Variants in RSRP1 observed in about 807,000 individuals in gnomAD.
RSRP1 encodes the protein arginine and serine rich protein 1, also known as arginine/serine-rich protein 1.
RSRP1 carries 37 observed loss-of-function variants against 33.0 expected under a neutral mutation model. The ratio of observed to expected loss-of-function variants is 1.12; its 90% confidence interval spans 0.86 to 1.48. The LOEUF is 1.48. Among genes scored for constraint, RSRP1 ranks in the 40% most tolerant of loss-of-function variants. The pLI, the probability that RSRP1 is intolerant of heterozygous loss-of-function variation, is 0.00. For missense variants in RSRP1, 402 were observed against 385.3 expected, an observed-to-expected ratio of 1.04 and a Z score of -0.36; for synonymous variants, 167 against 158.7, an observed-to-expected ratio of 1.05 and a Z score of -0.40.
rs1276337555 is a variant in RSRP1 at position 25,316,264 on chromosome 1, G to C, written c.-67+21714C>G. ...CAGGGGAGATGGGTCTGAAAGCCAA[G>C]CTCTACCCCACCCACCTTGCCCCAA... On this transcript the variant is annotated intron_variant, in intron 1 of 1. Transcript: ENST00000561867. Among the ~76,000 whole-genome samples, 2 of 129,576 alleles carry C rather than the reference G, an allele frequency of 1.5e-5. 1 individual carries two copies. The highest frequency in any genetic ancestry group is 3.6e-5 in the Non-Finnish European group (2 of 54,902). 85.0% of individuals were successfully genotyped at this position (129,576 alleles called of 152,430 possible).
chr1:25,260,386 G>A (rs569183301), intron 1 of RSRP1, among the ~76,000 whole-genome samples: 65 of 152,256 alleles, frequency 4.3e-4, no homozygotes, highest in African/African-American at 1.4e-3. Flanking sequence ...CTATTTGCAC[G>A]AAAGAGAACC....
chr1:25,259,656 C>A (rs1006915924), intron 1 of RSRP1, among the ~76,000 whole-genome samples: 2 of 152,046 alleles, frequency 1.3e-5, no homozygotes, highest in African/African-American at 4.8e-5. Flanking sequence ...GTGCACACTA[C>A]CACGCCCAGC....
chr1:25,259,153 G>A (rs1383342000), intron 1 of RSRP1, among the ~76,000 whole-genome samples: 1 of 151,762 alleles, frequency 6.6e-6, no homozygotes, highest in Non-Finnish European at 1.5e-5. Flanking sequence ...GAGTGCAATG[G>A]CACCATCTTG....
At chr1:25,256,799 C>A (rs1421380980) in intron 1 of RSRP1, among the ~76,000 whole-genome samples, 2 of 152,000 alleles carry the variant, frequency 1.3e-5, no homozygotes, top group Non-Finnish European at 2.9e-5. Context: ...CCCTCACGTG[C>A]TTGACTTCTT....
At position 25,276,923 on chromosome 1, in the gene RSRP1, C is replaced by T. The variant is rs1187281908; in HGVS notation, c.-66-29894G>A. Among the ~76,000 whole-genome samples, 5 of 130,360 alleles carry T rather than the reference C, an allele frequency of 3.8e-5. 1 individual carries two copies. Among genetic ancestry groups the T allele is most frequent in the Admixed American group, 1.5e-4 (2 of 13,372 alleles). 85.5% of individuals were successfully genotyped at this position (130,360 alleles called of 152,430 possible). On this transcript the variant is annotated intron_variant, in intron 1 of 1. Coordinates refer to the RSRP1 transcript ENST00000561867. ...CTACCAAAAATACAAAAAAATTAGC[C>T]GGGTGTGGTGGCGGGTGCCTGTAGT... is the stretch of plus-strand genomic sequence containing the variant.
chr1:25,295,046 G>A (rs982553738), intron 1 of RSRP1, among the ~76,000 whole-genome samples: 2 of 146,548 alleles, frequency 1.4e-5, no homozygotes, highest in African/African-American at 5.3e-5. Flanking sequence ...AGCCTGGAGT[G>A]CTGCCCAGAG....
At chr1:25,321,757 T>C (rs1169308436) in intron 1 of RSRP1, 1 of 455,462 alleles carries the variant, frequency 2.2e-6, no homozygotes, top group East Asian at 3.0e-5. Context: ...TCCATTTATT[T>C]GTCTTTCAAT....
intron 1 of RSRP1, among the ~76,000 whole-genome samples, chr1:25,269,940 T>A (rs1326750566): frequency 1.5e-5 from 2 of 131,546 alleles, no homozygotes; most frequent in African/African-American, 5.2e-5. Context: ...GCCCATCAGG[T>A]CCGGGGGTTG....
In RSRP1 at chr1:25,272,449, G is replaced by A. The variant is rs1334409888; in HGVS notation, c.-66-25420C>T. Reference sequence around the variant, plus strand: ...TGCAGCCTGAGATAAGGCCTTTGGCGGGTGTCTCCCCTATCGCTCCCTCAA... The same window carrying A: ...TGCAGCCTGAGATAAGGCCTTTGGCAGGTGTCTCCCCTATCGCTCCCTCAA... On this transcript the variant is annotated intron_variant, in intron 1 of 1. Transcript: ENST00000561867. 3.9e-5 allele frequency: 53 copies of A among 1,361,178 alleles called. 1 individual carries two copies. The highest frequency in any genetic ancestry group is 2.5e-4 in the Middle Eastern group (1 of 3,998). 84.3% of individuals were successfully genotyped at this position (1,361,178 alleles called of 1,614,324 possible). A position where few individuals can be genotyped will look rare whatever the true frequency, so the allele number is the denominator to read the frequency against.
chr1:25,312,415 C>A (rs1342506032), intron 1 of RSRP1, among the ~76,000 whole-genome samples: 1 of 112,928 alleles, frequency 8.9e-6, no homozygotes, highest in South Asian at 2.8e-4. Flanking sequence ...AGACCATGGA[C>A]TTTGGAATTT....
rs541371580 is a variant in RSRP1 at position 25,290,550 on chromosome 1, T to TGAAAGAAA, written c.-66-43522_-66-43521insTTTCTTTC. ...AAAGTAGGTGCCCAACAGTGTTTGT[T>TGAAAGAAA]GAAAGAATGAATGAATGAATGAATG... On this transcript the variant is annotated intron_variant, in intron 1 of 1. Transcript: ENST00000561867. 147 of 1,104,488 alleles carry TGAAAGAAA rather than the reference T, an allele frequency of 1.3e-4. 20 individuals are homozygous for TGAAAGAAA. The African/African-American group carries it at 1.9e-3, about 14-fold the overall frequency. 68.4% of individuals were successfully genotyped at this position (1,104,488 alleles called of 1,614,324 possible). A position where few individuals can be genotyped will look rare whatever the true frequency, so the allele number is the denominator to read the frequency against.
At chr1:25,287,557 T>C (rs1642140032) in intron 1 of RSRP1, among the ~76,000 whole-genome samples, 1 of 134,822 alleles carries the variant, frequency 7.4e-6, no homozygotes, top group African/African-American at 2.6e-5. Context: ...CTCCAGCTTG[T>C]GCCACTTGAC....
intron 1 of RSRP1, among the ~76,000 whole-genome samples, chr1:25,319,352 A>AT (rs1486979428): frequency 2.3e-5 from 3 of 132,810 alleles, no homozygotes; most frequent in African/African-American, 7.7e-5. Context: ...TGGGTGGCTC[A>AT]TACTTGTAAT....
At chr1:25,247,465 G>C (rs1639570133), upstream of RSRP1, 1 of 154,062 alleles carries the variant, frequency 6.5e-6, no homozygotes, top group African/African-American at 2.4e-5. Context: ...GAGGGACTAC[G>C]TTAGCAGACG....
intron 1 of RSRP1, among the ~76,000 whole-genome samples, chr1:25,289,263 C>T (rs1201170028): frequency 2.3e-5 from 3 of 132,304 alleles, no homozygotes; most frequent in Admixed American, 7.4e-5. Context: ...GGTGCAGTCT[C>T]GGCCCACTGA....
At chr1:25,253,877 T>C (rs1350183565) in intron 1 of RSRP1, 2 of 152,024 alleles carry the variant, frequency 1.3e-5, no homozygotes, top group African/African-American at 4.8e-5. Flanking sequence ...CCTCCAACGG[T>C]GGTGGGGGTC....
At chr1:25,311,817 G>A (rs1644164810) in intron 1 of RSRP1, among the ~76,000 whole-genome samples, 1 of 131,174 alleles carries the variant, frequency 7.6e-6, no homozygotes, top group African/African-American at 2.7e-5. Flanking sequence ...CATAAACCTT[G>A]GCAGCATACA....
intron 3 of RSRP1, chr1:25,243,834 T>C (rs1489320802): frequency 2.3e-6 from 3 of 1,288,960 alleles, no homozygotes; most frequent in Non-Finnish European, 3.0e-6. Context: ...ACTCTTCCCA[T>C]AATTATTTTA....
chr1:25,245,990 C>CCCGCCT lies in RSRP1; in HGVS notation c.520+448_520+453dup, dbSNP rs373067870. On this transcript the variant is annotated intron_variant, in intron 2 of 4. Coordinates refer to ENST00000243189, the MANE Select transcript of RSRP1 (RefSeq NM_020317.5). ...GGAACGCCTGGCCTCAAGTGACCCACCCGCCTCCGCCTCCGCCTCCCCAAG... is the reference window on the plus strand; with the variant it reads ...GGAACGCCTGGCCTCAAGTGACCCACCCGCCTCCGCCTCCGCCTCCGCCTCCCCAAG... The CCCGCCT allele has an allele frequency of 6.3e-3, 1,020 of 160,794 alleles. 9 individuals carry two copies. Among genetic ancestry groups the CCCGCCT allele is most frequent in the African/African-American group, 0.022 (897 of 41,644 alleles). The allele number at this position is 160,794 out of a possible 1,614,324, so 10.0% of individuals were successfully genotyped here.
Sources: gnomAD v4.1 joint callset for allele counts (sites outside exome capture counted in the v4.1 genomes callset) on GRCh38, gnomAD v4.1.1 for gene constraint, MANE v1.5 for transcripts, NCBI Gene and HGNC (gene_info 2026-07-23, HGNC 2026-07-21) for gene names.